ALPK3: variants seen among roughly 807,000 people sequenced by gnomAD.
ALPK3 encodes the protein alpha-protein kinase 3.
In ALPK3, 102 loss-of-function variants were observed where a neutral mutation model predicts 140.0. The observed-to-expected ratio is 0.73, with a 90% CI of 0.62 to 0.86. The LOEUF is 0.86. ALPK3 is among the 40% of genes least tolerant of loss of function. The probability of loss-of-function intolerance (pLI) is 0.00; values close to 1 mark genes in which losing one functional copy is unlikely to be tolerated. For missense variants in ALPK3, 2,254 were observed against 2,208.2 expected, an observed-to-expected ratio of 1.02 and a Z score of -0.42; for synonymous variants, 938 against 898.5, an observed-to-expected ratio of 1.04 and a Z score of -0.79.
chr15:84,851,560 AG>A (rs1963802627), intron 5 of ALPK3, among the ~76,000 whole-genome samples: 1 of 152,254 alleles, frequency 6.6e-6, no homozygotes, highest in African/African-American at 2.4e-5. Context: ...CTCTCCCTGA[AG>A]GCAGTTACCA....
intron 5 of ALPK3, among the ~76,000 whole-genome samples, chr15:84,853,695 A>G (rs946274015): frequency 6.6e-6 from 1 of 151,584 alleles, no homozygotes; most frequent in Non-Finnish European, 1.5e-5. Flanking sequence ...CTTGAGCCCA[A>G]TAGGTTGAGG....
chr15:84,853,014 G>A (rs1963822379), intron 5 of ALPK3, among the ~76,000 whole-genome samples: 1 of 152,202 alleles, frequency 6.6e-6, no homozygotes, highest in African/African-American at 2.4e-5. Flanking sequence ...TTGAGATAAT[G>A]AAGAAGTAGT....
chr15:84,858,477 C>G lies in ALPK3; in HGVS notation c.3739C>G (p.Leu1247Val). 6.3e-7 allele frequency: 1 copy of G among 1,576,532 alleles called. No individual in the cohort carries two copies. Among genetic ancestry groups the G allele is most frequent in the Non-Finnish European group, 8.6e-7 (1 of 1,166,482 alleles). Residue 1247 changes from leucine to valine, a missense_variant, in exon 6 of 14, where the codon CTG becomes GTG. Leu to Val is a conservative substitution (Grantham distance 32). Around this residue, in one of 3 missense-constraint regions of ALPK3, gnomAD observed 2,088 missense variants for 2,022.9 expected, o/e 1.03. Coordinates refer to ENST00000258888, the MANE Select transcript of ALPK3 (RefSeq NM_020778.5). ...GGGCCCCAGCCCCAAGGCCGGCGGT[C>G]TGGACACAGAGGTGGCCCTGGATGA... Reference protein sequence around the residue: ...DLGPSPKAGGLDTEVALDEGK... With the variant: ...DLGPSPKAGGVDTEVALDEGK...
rs1490026067 is a variant in ALPK3, at chr15:84,839,986, C to G, written c.707C>G (p.Ser236Trp). 5 of 1,612,826 alleles carry G rather than the reference C, an allele frequency of 3.1e-6. No individual in the cohort carries two copies. The highest frequency in any genetic ancestry group is 2.2e-5 in the East Asian group (1 of 44,842). ...AGCGGGGCTCAAGCGCCGGGCCCCTCGGTCCCTACCAGGGAGCCTGAGGGT... is the reference window on the plus strand; with the variant it reads ...AGCGGGGCTCAAGCGCCGGGCCCCTGGGTCCCTACCAGGGAGCCTGAGGGT... ...RLSGAQAPGP[S>W]VPTREPEGGT... is the part of the protein sequence containing the mutation. Residue 236 changes from serine to tryptophan, a missense_variant, in exon 5 of 14, where the codon TCG (serine) becomes TGG (tryptophan). Coordinates refer to ENST00000258888, the MANE Select transcript of ALPK3 (RefSeq NM_020778.5).
intron 3 of ALPK3, 118 bp downstream of exon 3, chr15:84,827,723 A>T: frequency 7.2e-7 from 1 of 1,382,698 alleles, no homozygotes; most frequent in Non-Finnish European, 9.8e-7. Flanking sequence ...ACGTGAGGTG[A>T]CATTTACTTT....
intron 3 of ALPK3, among the ~76,000 whole-genome samples, chr15:84,837,585 A>G (rs1178948683): frequency 2.0e-5 from 3 of 152,176 alleles, no homozygotes; most frequent in Non-Finnish European, 2.9e-5. Context: ...CTTAATATAT[A>G]TCTTTGAGTG....
intron 5 of ALPK3, 60 bp downstream of exon 5, chr15:84,840,992 T>G: frequency 1.3e-6 from 2 of 1,491,050 alleles, no homozygotes; most frequent in Non-Finnish European, 1.8e-6. Flanking sequence ...ATGGAAACTC[T>G]TGCTGCAACT....
At chr15:84,845,599 C>G (rs1567091092) in intron 5 of ALPK3, among the ~76,000 whole-genome samples, 1 of 152,176 alleles carries the variant, frequency 6.6e-6, no homozygotes, top group Non-Finnish European at 1.5e-5. Flanking sequence ...AATTTCTGGG[C>G]TCATCCCCAG....
intron 1 of ALPK3, among the ~76,000 whole-genome samples, chr15:84,819,142 G>C (rs549484144): frequency 6.6e-6 from 1 of 152,374 alleles, no homozygotes; most frequent in South Asian, 2.1e-4. Context: ...TAGTGCTGCT[G>C]CCTGGCTGAG....
rs1964051079 is a variant in ALPK3, at chr15:84,870,054, C to G, written c.*1598C>G. ...CAGGAAGGAAGCACAGAGCTGGGGG[C>G]TCTGGAAACGCCCTGTGTCTCTGGC... is the stretch of plus-strand genomic sequence containing the variant. On this transcript the variant is annotated 3_prime_UTR_variant, in exon 14 of 14. Transcript: ENST00000258888. The G allele has an allele frequency of 6.6e-6, 1 of 152,184 alleles. No individual in the cohort carries two copies. The allele number at this position is 152,184 out of a possible 1,614,324, so 9.4% of individuals were successfully genotyped here. A position where few individuals can be genotyped will look rare whatever the true frequency, so the allele number is the denominator to read the frequency against.
chr15:84,840,195 A>G lies in ALPK3; in HGVS notation c.916A>G (p.Arg306Gly). Residue 306 changes from arginine to glycine, a missense_variant, in exon 5 of 14, where the codon AGA becomes GGA. Physicochemically the swap from Arg to Gly is moderately radical, Grantham distance 125. This residue lies in a region of ALPK3 where 2,088 missense variants were observed against 2,022.9 expected (regional missense o/e 1.03). Transcript: ENST00000258888. ...TGACGCCATGGAGCTGGGGCCTCAG[A>G]GAGCCCTCAAAGAGGAGAGTGGGGC... ...ICDAMELGPQRALKEESGAKK... is the reference protein window; with the variant it reads ...ICDAMELGPQGALKEESGAKK... 1.9e-6 allele frequency: 3 copies of G among 1,613,882 alleles called. No individual in the cohort carries two copies. The highest frequency in any genetic ancestry group is 2.5e-6 in the Non-Finnish European group (3 of 1,179,986).
intron 2 of ALPK3, among the ~76,000 whole-genome samples, chr15:84,826,447 A>G (rs537746612): frequency 1.4e-5 from 2 of 147,002 alleles, no homozygotes; most frequent in Admixed American, 6.7e-5. Context: ...GCCGCTCACA[A>G]TGGGATGTGT....
chr15:84,853,046 A>G (rs1360008493), intron 5 of ALPK3, among the ~76,000 whole-genome samples: 2 of 152,232 alleles, frequency 1.3e-5, no homozygotes, highest in Non-Finnish European at 2.9e-5. Context: ...TGAGGGATTG[A>G]TCTGGCTGAG....
Position 84,873,407 on chromosome 15 carries a change from C to T in ALPK3, c.*4951C>T, listed in dbSNP as rs946595871. 7.9e-5 allele frequency: 12 copies of T among 152,206 alleles called. No homozygotes were observed. Among genetic ancestry groups the T allele is most frequent in the Admixed American group, 3.9e-4 (6 of 15,294 alleles). The allele number at this position is 152,206 out of a possible 1,614,324, so 9.4% of individuals were successfully genotyped here. On this transcript the variant is annotated 3_prime_UTR_variant, in exon 14 of 14. Transcript: ENST00000258888. Reference sequence around the variant, plus strand: ...CTAAAATAGTAATAACAGTATCTGGCGATTTGAGCTTTTACGTAGAATGTA... The same window carrying T: ...CTAAAATAGTAATAACAGTATCTGGTGATTTGAGCTTTTACGTAGAATGTA...
In ALPK3 at chr15:84,861,362, A is replaced by AT. The variant is rs556946765; in HGVS notation, c.4130-1262dup. ...AGAGGTTTGGTCAGATTCAGGTGTGATTTTTTTTTTTGGAGGAGGGGCAAG... is the reference window on the plus strand; with the variant it reads ...AGAGGTTTGGTCAGATTCAGGTGTGATTTTTTTTTTTTGGAGGAGGGGCAAG... On this transcript the variant is annotated intron_variant, in intron 9 of 13. Coordinates refer to ENST00000258888, the MANE Select transcript of ALPK3 (RefSeq NM_020778.5). Among the ~76,000 whole-genome samples, 111 of 147,410 alleles carry AT rather than the reference A, an allele frequency of 7.5e-4. 1 individual carries two copies. The highest frequency in any genetic ancestry group is 1.8e-3 in the African/African-American group (73 of 40,386).
intron 3 of ALPK3, among the ~76,000 whole-genome samples, chr15:84,830,715 T>C (rs1299446257): frequency 6.6e-6 from 1 of 152,230 alleles, no homozygotes; most frequent in Non-Finnish European, 1.5e-5. Context: ...GGTTTGTTTT[T>C]TGAGGCAAGA....
intron 1 of ALPK3, among the ~76,000 whole-genome samples, chr15:84,817,887 C>A (rs1320700794): frequency 6.6e-6 from 1 of 152,184 alleles, no homozygotes; most frequent in African/African-American, 2.4e-5. Context: ...ATCTCCCCTG[C>A]CCCCTACCCT....
chr15:84,837,263 G>A (rs1427762646), intron 3 of ALPK3, among the ~76,000 whole-genome samples: 2 of 152,198 alleles, frequency 1.3e-5, no homozygotes, highest in Admixed American at 6.5e-5. Context: ...AGGCTTGTAC[G>A]CTGATGAGAA....
At chr15:84,860,167 A>C (rs899632795) in intron 9 of ALPK3, 95 bp downstream of exon 9, 1 of 1,427,806 alleles carries the variant, frequency 7.0e-7, no homozygotes, top group Admixed American at 1.7e-5. Context: ...CCCAATCCAC[A>C]TACTGCTCCT....
Sources: gnomAD v4.1 joint callset for allele counts (sites outside exome capture counted in the v4.1 genomes callset) on GRCh38, gnomAD v4.1.1 for gene constraint, gnomAD v4.1.1 regional missense constraint, MANE v1.5 for transcripts, NCBI Gene and HGNC (gene_info 2026-07-23, HGNC 2026-07-21) for gene names.